PRKCG: variants seen among roughly 807,000 people sequenced by gnomAD.
PRKCG encodes the protein protein kinase C gamma type.
In PRKCG, 28 loss-of-function variants were observed where a neutral mutation model predicts 82.0. The observed-to-expected ratio is 0.34, with a 90% CI of 0.25 to 0.47. The LOEUF (loss-of-function observed/expected upper bound fraction) is 0.47, where lower values mean the gene tolerates loss of function less well. PRKCG is among the 20% of genes least tolerant of loss of function. PRKCG has a pLI of 1.00. For missense variants in PRKCG, 640 were observed against 952.7 expected, an observed-to-expected ratio of 0.67 and a Z score of 4.32; for synonymous variants, 383 against 376.6, an observed-to-expected ratio of 1.02 and a Z score of -0.20.
chr19:53,907,192 A>T lies in PRKCG; in HGVS notation c.*297A>T. ...AGAGACCACACCACTAACCATCCCCAACTCCATGGGGTTCGAGACTCCATC... is the reference window on the plus strand; with the variant it reads ...AGAGACCACACCACTAACCATCCCCTACTCCATGGGGTTCGAGACTCCATC... On this transcript the variant is annotated 3_prime_UTR_variant, in exon 18 of 18. Coordinates refer to ENST00000263431, the MANE Select transcript of PRKCG (RefSeq NM_002739.5). 2.0e-6 allele frequency: 1 copy of T among 511,892 alleles called. No homozygotes were observed. Among genetic ancestry groups the T allele is most frequent in the South Asian group, 2.2e-5 (1 of 46,406 alleles). 31.7% of individuals were successfully genotyped at this position (511,892 alleles called of 1,614,324 possible).
At chr19:53,896,061 G>GA (rs34110242) in intron 9 of PRKCG, among the ~76,000 whole-genome samples, 1,293 of 126,386 alleles carry the variant, frequency 0.01, 5 homozygotes, top group African/African-American at 0.016. Flanking sequence ...CTCTATCTCA[G>GA]AAAAAAAAAA....
intron 14 of PRKCG, among the ~76,000 whole-genome samples, chr19:53,902,663 G>T (rs1393127508): frequency 6.6e-6 from 1 of 151,958 alleles, no homozygotes; most frequent in Admixed American, 6.6e-5. Context: ...GGGAGGCGGA[G>T]GCAGGCCAAT....
chr19:53,906,049 C>T (rs185541273), intron 16 of PRKCG, among the ~76,000 whole-genome samples: 22 of 50,722 alleles, frequency 4.3e-4, no homozygotes, highest in African/African-American at 4.2e-3. Flanking sequence ...CTCCCTCCTC[C>T]TCCTCCTCCT....
rs1599949888 is a variant in PRKCG at position 53,898,567 on chromosome 19, G to C, written c.1220G>C (p.Gly407Ala). The C allele has an allele frequency of 6.2e-7, 1 of 1,611,774 alleles. No homozygotes were observed. Among genetic ancestry groups the C allele is most frequent in the Admixed American group, 1.7e-5 (1 of 59,828 alleles). Residue 407 changes from glycine to alanine, a missense_variant, in exon 11 of 18, where the codon GGC (glycine) becomes GCC (alanine). Physicochemically the swap from Gly to Ala is moderately conservative, Grantham distance 60. This residue lies in a region of PRKCG where 78 missense variants were observed against 105.6 expected (regional missense o/e 0.74). Coordinates refer to ENST00000263431, the MANE Select transcript of PRKCG (RefSeq NM_002739.5). ...LVEKRVLALGGRGPGGRPHFL... is the reference protein window; with the variant it reads ...LVEKRVLALGARGPGGRPHFL... ...GAGAAACGTGTGCTGGCGCTGGGGG[G>C]CCGGGGTCCTGGCGGCCGGCCCCAC... is the stretch of plus-strand genomic sequence containing the variant.
Position 53,883,058 on chromosome 19 carries a change from G to T in PRKCG, c.171-105G>T. On this transcript the variant is annotated intron_variant, in intron 1 of 17. Coordinates refer to ENST00000263431, the MANE Select transcript of PRKCG (RefSeq NM_002739.5). This position sits in a 1 kb window ranked among gnomAD's most constrained non-coding sequence, Gnocchi z 5.4. ...AGGTGGCCGGGGCTTGGACACCTGG[G>T]CCCTGCGGGAGGAGGGTCAGAGAGC... 1 of 1,447,278 alleles carries T rather than the reference G, an allele frequency of 6.9e-7. No individual in the cohort carries two copies. Among genetic ancestry groups the T allele is most frequent in the Non-Finnish European group, 9.7e-7 (1 of 1,029,964 alleles). The allele number at this position is 1,447,278 out of a possible 1,614,324, so 89.7% of individuals were successfully genotyped here.
intron 3 of PRKCG, among the ~76,000 whole-genome samples, chr19:53,886,166 G>A (rs2068629884): frequency 6.6e-6 from 1 of 151,228 alleles, no homozygotes. Flanking sequence ...GTGCACTGGT[G>A]CAATCTTGGT....
At chr19:53,896,203 G>A (rs1343040648) in intron 9 of PRKCG, among the ~76,000 whole-genome samples, 1 of 151,966 alleles carries the variant, frequency 6.6e-6, no homozygotes, top group Non-Finnish European at 1.5e-5. Flanking sequence ...CAGGGCAGAT[G>A]GTGGGCAAAG....
At chr19:53,891,135 G>C (rs2068672254) in intron 5 of PRKCG, among the ~76,000 whole-genome samples, 1 of 152,144 alleles carries the variant, frequency 6.6e-6, no homozygotes, top group African/African-American at 2.4e-5. Context: ...GACATGGCCA[G>C]GGTCCAAACT....
Position 53,892,488 on chromosome 19 carries a change from A to G in PRKCG, c.687-21A>G. On this transcript the variant is annotated intron_variant, in intron 6 of 17. Transcript: ENST00000263431. The surrounding 1 kb of genome is among the most constrained non-coding windows in gnomAD (Gnocchi z 5.9). ...AGCCATGAGCTCGGCTCTGCACCCCATCCACCCCACCTTCCTGCAGCAACC... is the reference window on the plus strand; with the variant it reads ...AGCCATGAGCTCGGCTCTGCACCCCGTCCACCCCACCTTCCTGCAGCAACC... 6.2e-7 allele frequency: 1 copy of G among 1,606,892 alleles called. No homozygotes were observed. Among genetic ancestry groups the G allele is most frequent in the Non-Finnish European group, 8.5e-7 (1 of 1,178,344 alleles).
At position 53,887,285 on chromosome 19, in the gene PRKCG, G is replaced by A. The variant is rs569114163; in HGVS notation, c.286-2353G>A. Among the ~76,000 whole-genome samples, 40 of 151,992 alleles carry A rather than the reference G, an allele frequency of 2.6e-4. No individual in the cohort carries two copies. The East Asian group carries it at 3.5e-3, about 13-fold the overall frequency. Reference sequence around the variant, plus strand: ...GACCGAGGCGGGTGGATCACCTGAGGTTGGGAGTTCGAGACCAGCCTGACC... The same window carrying A: ...GACCGAGGCGGGTGGATCACCTGAGATTGGGAGTTCGAGACCAGCCTGACC... On this transcript the variant is annotated intron_variant, in intron 3 of 17. Coordinates refer to ENST00000263431, the MANE Select transcript of PRKCG (RefSeq NM_002739.5).
At chr19:53,899,174 A>T (rs73603623) in intron 11 of PRKCG, among the ~76,000 whole-genome samples, 3,515 of 149,612 alleles carry the variant, frequency 0.023, 133 homozygotes, top group African/African-American at 0.079. Context: ...CCTCGGTGGC[A>T]TGGCCTGGCC....
chr19:53,901,361 T>C (rs951344398), intron 14 of PRKCG, among the ~76,000 whole-genome samples: 2 of 151,390 alleles, frequency 1.3e-5, no homozygotes, highest in African/African-American at 2.4e-5. Flanking sequence ...CTGGCCAACA[T>C]GGTGAAACCT....
At position 53,893,160 on chromosome 19, in the gene PRKCG, C is replaced by T. The variant is rs543322897; in HGVS notation, c.909+85C>T. 328 of 1,382,028 alleles carry T rather than the reference C, an allele frequency of 2.4e-4. 3 individuals carry two copies. The South Asian group carries it at 3.3e-3, about 14-fold the overall frequency. 85.6% of individuals were successfully genotyped at this position (1,382,028 alleles called of 1,614,324 possible). A position where few individuals can be genotyped will look rare whatever the true frequency, so the allele number is the denominator to read the frequency against. On this transcript the variant is annotated intron_variant, in intron 8 of 17. Transcript: ENST00000263431. The stretch of plus-strand genomic sequence containing the variant: ...GCCTTTCCTTCCACCCCTGAGTGCC[C>T]GCTGGTCCTGGGACTACAGTTCCCA...
At chr19:53,891,088 T>C (rs1349116945) in intron 5 of PRKCG, among the ~76,000 whole-genome samples, 1 of 151,122 alleles carries the variant, frequency 6.6e-6, no homozygotes, top group Non-Finnish European at 1.5e-5. Flanking sequence ...GAAGGGAGAG[T>C]ACCTGGTTCT....
At position 53,892,363 on chromosome 19, in the gene PRKCG, G is replaced by A. The variant is rs2068682605; in HGVS notation, c.687-146G>A. On this transcript the variant is annotated intron_variant, in intron 6 of 17. Coordinates refer to ENST00000263431, the MANE Select transcript of PRKCG (RefSeq NM_002739.5). The surrounding 1 kb of genome is among the most constrained non-coding windows in gnomAD (Gnocchi z 5.9). ...AAGCCCTAGCTGGAGAGAGAGCCCG[G>A]CTGGGAAGGTCAGAGGTCGGAGACC... 8 of 1,262,480 alleles carry A rather than the reference G, an allele frequency of 6.3e-6. No homozygotes were observed. The highest frequency in any genetic ancestry group is 2.7e-4 in the Middle Eastern group (1 of 3,752). The allele number at this position is 1,262,480 out of a possible 1,614,324, so 78.2% of individuals were successfully genotyped here.
rs1246484792 is a variant in PRKCG, at chr19:53,882,316, C to T, written c.-179C>T. 7 of 899,870 alleles carry T rather than the reference C, an allele frequency of 7.8e-6. No individual in the cohort carries two copies. The highest frequency in any genetic ancestry group is 3.5e-5 in the African/African-American group (2 of 56,570). 55.7% of individuals were successfully genotyped at this position (899,870 alleles called of 1,614,324 possible). ...CCCGCTCCCCCTGGCGGAGCCGGCG[C>T]GCCCGGGGTGCCGCTCCCTGCCTGG... is the stretch of plus-strand genomic sequence containing the variant. On this transcript the variant is annotated 5_prime_UTR_variant, in exon 1 of 18. Transcript: ENST00000263431. The surrounding 1 kb of genome is among the most constrained non-coding windows in gnomAD (Gnocchi z 6.1).
rs2068758255 is a variant in PRKCG at position 53,900,808 on chromosome 19, T to C, written c.1575+59T>C. On this transcript the variant is annotated intron_variant, in intron 14 of 17. Coordinates refer to ENST00000263431, the MANE Select transcript of PRKCG (RefSeq NM_002739.5). This position sits in a 1 kb window ranked among gnomAD's most constrained non-coding sequence, Gnocchi z 4.2. ...GAGATCCCTTAGAGGGTGTAGCTGA[T>C]GGTCCAGTATTCACCACGGGTGAGG... 1.9e-6 allele frequency: 3 copies of C among 1,612,076 alleles called. No homozygotes were observed. Among genetic ancestry groups the C allele is most frequent in the Non-Finnish European group, 2.5e-6 (3 of 1,179,378 alleles).
At chr19:53,890,094 G>T in intron 5 of PRKCG, 77 bp downstream of exon 5, 1 of 1,465,598 alleles carries the variant, frequency 6.8e-7, no homozygotes, top group Non-Finnish European at 9.2e-7. Context: ...ACTTGTGCTG[G>T]CCCAGCCCTA....
chr19:53,898,658 C>T (rs1414824709), intron 11 of PRKCG, 30 bp downstream of exon 11: 3 of 1,548,756 alleles, frequency 1.9e-6, no homozygotes, highest in South Asian at 2.4e-5. Flanking sequence ...AGGCTGTCCT[C>T]CGGGCCCTGC....
Sources: allele counts gnomAD v4.1 joint callset (sites outside exome capture counted in the v4.1 genomes callset), GRCh38; gene constraint gnomAD v4.1.1; regional missense constraint gnomAD v4.1.1; non-coding constraint Gnocchi (gnomAD v3.1); transcripts MANE v1.5; gene names NCBI Gene and HGNC (gene_info 2026-07-23, HGNC 2026-07-21).